Variants in MARK2 observed in about 807,000 individuals in gnomAD.
MARK2 encodes serine/threonine-protein kinase MARK2.
MARK2 carries 16 observed loss-of-function variants against 89.8 expected under a neutral mutation model. That is an observed-to-expected ratio of 0.18 (90% CI 0.12 to 0.27). MARK2 has a LOEUF of 0.27. Among genes scored for constraint, MARK2 ranks in the 10% least tolerant of loss-of-function variants. The probability of loss-of-function intolerance (pLI) is 1.00; values close to 1 mark genes in which losing one functional copy is unlikely to be tolerated. For missense variants in MARK2, 621 were observed against 1,049.9 expected, an observed-to-expected ratio of 0.59 and a Z score of 5.65; for synonymous variants, 382 against 399.5, an observed-to-expected ratio of 0.96 and a Z score of 0.52.
chr11:63,848,073 C>T (rs958011923), intron 1 of MARK2, among the ~76,000 whole-genome samples: 5 of 152,196 alleles, frequency 3.3e-5, no homozygotes, highest in Admixed American at 1.3e-4. Context: ...TGGGAGCTTC[C>T]GGTCACCATG....
chr11:63,906,696 C>A (rs1165354229), intron 17 of MARK2, among the ~76,000 whole-genome samples: 1 of 152,054 alleles, frequency 6.6e-6, no homozygotes, highest in Admixed American at 6.5e-5. Flanking sequence ...TTTGGAGACA[C>A]TACGGGGACC....
At chr11:63,866,351 CAA>C (rs57664174) in intron 1 of MARK2, among the ~76,000 whole-genome samples, 2,102 of 86,040 alleles carry the variant, frequency 0.024, 61 homozygotes, top group African/African-American at 0.066. Context: ...GACTCAGTCT[CAA>C]AAAAAAAAAA....
intron 2 of MARK2, 43 bp from the exon 3 acceptor site, chr11:63,895,537 C>T (rs771080526): frequency 1.3e-6 from 2 of 1,585,410 alleles, no homozygotes; most frequent in East Asian, 4.5e-5. Context: ...CTGGGTTTCG[C>T]TGGTCAGAGA....
intron 16 of MARK2, 108 bp from the exon 17 acceptor site, chr11:63,905,980 C>A: frequency 1.1e-6 from 1 of 927,144 alleles, no homozygotes; most frequent in Non-Finnish European, 1.4e-6. Flanking sequence ...ATGGGATGAC[C>A]CTTGAACCTG....
chr11:63,873,875 G>A (rs950846444), intron 1 of MARK2, among the ~76,000 whole-genome samples: 11 of 152,282 alleles, frequency 7.2e-5, no homozygotes, highest in East Asian at 1.9e-4. Flanking sequence ...TTGAACTCCC[G>A]AACTCAGGTG....
intron 1 of MARK2, among the ~76,000 whole-genome samples, chr11:63,893,307 C>G (rs1469171309): frequency 1.3e-5 from 2 of 152,056 alleles, no homozygotes; most frequent in African/African-American, 2.4e-5. Context: ...CATGAGCTAC[C>G]TTGCCTGGCC....
chr11:63,887,504 C>G (rs1464540276), intron 1 of MARK2, among the ~76,000 whole-genome samples: 1 of 152,222 alleles, frequency 6.6e-6, no homozygotes, highest in Non-Finnish European at 1.5e-5. Context: ...CATTTCTTGG[C>G]CACTCCTGAG....
chr11:63,901,571 CG>C (rs1940888195), intron 11 of MARK2, among the ~76,000 whole-genome samples: 1 of 149,892 alleles, frequency 6.7e-6, no homozygotes, highest in Non-Finnish European at 1.5e-5. Context: ...CTCCGCCTCC[CG>C]GGTTCAAGCG....
chr11:63,876,103 A>G (rs541475540), intron 1 of MARK2, among the ~76,000 whole-genome samples: 3 of 152,286 alleles, frequency 2.0e-5, no homozygotes, highest in African/African-American at 7.2e-5. Context: ...CTTTTGTGGA[A>G]GGGATAAAAT....
At chr11:63,855,319 G>C (rs1308600591) in intron 1 of MARK2, among the ~76,000 whole-genome samples, 1 of 152,154 alleles carries the variant, frequency 6.6e-6, no homozygotes, top group Non-Finnish European at 1.5e-5. Flanking sequence ...AGAAGTTCAA[G>C]ACCAGCCTCT....
chr11:63,903,183 C>G lies in MARK2; in HGVS notation c.1514+25C>G. ...GGTGAGAGACCCGGGCCCTGCCTGC[C>G]TCACTCCCTAGGAGCCATGTCTCAC... On this transcript the variant is annotated intron_variant, in intron 14 of 18. Coordinates refer to ENST00000402010, the MANE Select transcript of MARK2 (RefSeq NM_001039469.3). The surrounding 1 kb of genome is among the most constrained non-coding windows in gnomAD (Gnocchi z 5.1). 6.4e-7 allele frequency: 1 copy of G among 1,560,382 alleles called. No homozygotes were observed. Among genetic ancestry groups the G allele is most frequent in the Non-Finnish European group, 8.8e-7 (1 of 1,134,370 alleles).
Position 63,900,479 on chromosome 11 carries a change from G to C in MARK2, c.769-80G>C, listed in dbSNP as rs1442684502. 6.6e-7 allele frequency: 1 copy of C among 1,514,392 alleles called. No individual in the cohort carries two copies. The highest frequency in any genetic ancestry group is 9.0e-7 in the Non-Finnish European group (1 of 1,108,028). The allele number at this position is 1,514,392 out of a possible 1,614,324, so 93.8% of individuals were successfully genotyped here. ...TTTATGTCTGCTTTGCCAGGCTTAA[G>C]CTCTCAGGATCTTGGATATTAGGTT... On this transcript the variant is annotated intron_variant, in intron 8 of 18. Coordinates refer to ENST00000402010, the MANE Select transcript of MARK2 (RefSeq NM_001039469.3). The surrounding 1 kb of genome is among the most constrained non-coding windows in gnomAD (Gnocchi z 4.7).
At position 63,898,580 on chromosome 11, in the gene MARK2, ACTTAAGGCTTGGC is replaced by A; in HGVS notation, c.338-24_338-12del. 6.3e-7 allele frequency: 1 copy of A among 1,586,310 alleles called. No homozygotes were observed. Among genetic ancestry groups the A allele is most frequent in the Non-Finnish European group, 8.7e-7 (1 of 1,154,720 alleles). ...AGTATGTGGCCCCTGTTGCTTCTTG[ACTTAAGGCTTGGC>A]CTTTTCTCTTGTAGTTAAATTATTT... is the stretch of plus-strand genomic sequence containing the variant. On this transcript the variant is annotated splice_polypyrimidine_tract_variant and intron_variant, in intron 4 of 18. Transcript: ENST00000402010.
chr11:63,896,910 CT>C (rs1210879418), intron 3 of MARK2, among the ~76,000 whole-genome samples: 1 of 152,148 alleles, frequency 6.6e-6, no homozygotes, highest in Non-Finnish European at 1.5e-5. Context: ...TATTCCTGAC[CT>C]TGTTTTTCTC....
intron 1 of MARK2, chr11:63,890,292 A>G: frequency 7.4e-7 from 1 of 1,343,620 alleles, no homozygotes; most frequent in South Asian, 1.2e-5. Context: ...GAAGGGGTGC[A>G]GGGGTAAGTA....
At position 63,900,555 on chromosome 11, in the gene MARK2, G is replaced by C. The variant is rs768033463; in HGVS notation, c.769-4G>C. The stretch of plus-strand genomic sequence containing the variant: ...CAATTTTCTAACCCTGGATCCTCCT[G>C]CAGGAGCTGCGGGAACGGGTACTGA... On this transcript the variant is annotated splice_region_variant and splice_polypyrimidine_tract_variant and intron_variant, in intron 8 of 18. Transcript: ENST00000402010. This position sits in a 1 kb window ranked among gnomAD's most constrained non-coding sequence, Gnocchi z 4.7. 26 of 1,613,852 alleles carry C rather than the reference G, an allele frequency of 1.6e-5. No homozygotes were observed. The highest frequency in any genetic ancestry group is 1.9e-5 in the Non-Finnish European group (23 of 1,179,832).
In MARK2 at chr11:63,909,312, G is replaced by A; in HGVS notation, c.*75G>A. ...CCGGCCGCTGCGCCGCCCCACCTGGGCGAGACTGCAGCGATGGATTGGTGT... is the reference window on the plus strand; with the variant it reads ...CCGGCCGCTGCGCCGCCCCACCTGGACGAGACTGCAGCGATGGATTGGTGT... On this transcript the variant is annotated 3_prime_UTR_variant, in exon 19 of 19. Transcript: ENST00000402010. 3 of 1,434,532 alleles carry A rather than the reference G, an allele frequency of 2.1e-6. No homozygotes were observed. The highest frequency in any genetic ancestry group is 1.9e-6 in the Non-Finnish European group (2 of 1,081,040). 88.9% of individuals were successfully genotyped at this position (1,434,532 alleles called of 1,614,324 possible).
rs187135367 is a variant in MARK2 at position 63,866,030 on chromosome 11, G to T, written c.54+26470G>T. Among the ~76,000 whole-genome samples the T allele has an allele frequency of 6.8e-3, 1,034 of 152,092 alleles. 14 individuals carry two copies. The highest frequency in any genetic ancestry group is 0.022 in the African/African-American group (914 of 41,450). On this transcript the variant is annotated intron_variant, in intron 1 of 18. Transcript: ENST00000402010. ...TGGTAGCACCACATTCCTCTATTTC[G>T]TTTGGTTTTCATTCCCTCTTTCTCT...
chr11:63,876,901 G>C (rs534993772), intron 1 of MARK2, among the ~76,000 whole-genome samples: 2 of 152,036 alleles, frequency 1.3e-5, no homozygotes, highest in African/African-American at 4.8e-5. Flanking sequence ...TGAGGGCTTC[G>C]ACCAGTGCAC....
Sources: allele counts gnomAD v4.1 joint callset (sites outside exome capture counted in the v4.1 genomes callset), GRCh38; gene constraint gnomAD v4.1.1; non-coding constraint Gnocchi (gnomAD v3.1); transcripts MANE v1.5; gene names NCBI Gene and HGNC (gene_info 2026-07-23, HGNC 2026-07-21).